CCDC18: variants seen among roughly 807,000 people sequenced by gnomAD.
The protein encoded by CCDC18 is coiled-coil domain-containing protein 18.
Under a neutral mutation model 196.0 loss-of-function variants are expected in CCDC18, and 157 were observed. The ratio of observed to expected loss-of-function variants is 0.80; its 90% CI spans 0.70 to 0.91. The LOEUF is 0.91. Ranked by LOEUF, CCDC18 falls within the 40% of genes least tolerant of loss-of-function variation. The pLI, the probability that CCDC18 is intolerant of heterozygous loss-of-function variation, is 0.00. For synonymous variants in CCDC18, 482 were observed against 529.2 expected, an observed-to-expected ratio of 0.91 and a Z score of 1.22; for missense variants, 1,465 against 1,611.6, an observed-to-expected ratio of 0.91 and a Z score of 1.56.
intron 5 of CCDC18, among the ~76,000 whole-genome samples, chr1:93,193,350 T>C (rs1475062462): frequency 1.3e-5 from 2 of 152,178 alleles, no homozygotes; most frequent in African/African-American, 2.4e-5. Flanking sequence ...TTCTGAACTA[T>C]ACAGGAATGC....
At chr1:93,228,028 A>G (rs538505058) in intron 17 of CCDC18, among the ~76,000 whole-genome samples, 4 of 149,956 alleles carry the variant, frequency 2.7e-5, no homozygotes, top group South Asian at 4.2e-4. Context: ...CGATTTGACT[A>G]TATCAGAAAG....
At position 93,201,958 on chromosome 1, in the gene CCDC18, T is replaced by TAA; in HGVS notation, c.773_774dup (p.Val259LysfsTer16). ...AGCTGAGTAAAGCTTTCCAACAATA[T>TAA]AAAAAAAAAGTGGCTGAAAAACTGG... On this transcript the variant is annotated frameshift_variant, in exon 7 of 29. Transcript: ENST00000690025. LOFTEE classifies it high-confidence loss of function. The TAA allele has an allele frequency of 2.5e-6, 4 of 1,575,288 alleles. No homozygotes were observed. Among genetic ancestry groups the TAA allele is most frequent in the South Asian group, 1.1e-5 (1 of 87,460 alleles).
At chr1:93,259,046 G>C (rs1170932183) in intron 26 of CCDC18, among the ~76,000 whole-genome samples, 161 bp downstream of exon 26, 1 of 152,058 alleles carries the variant, frequency 6.6e-6, no homozygotes, top group Non-Finnish European at 1.5e-5. Flanking sequence ...AATATACTGT[G>C]GGGTTAAGAG....
chr1:93,254,716 C>A, intron 24 of CCDC18, 102 bp downstream of exon 24: 1 of 1,099,336 alleles, frequency 9.1e-7, no homozygotes, highest in Non-Finnish European at 1.3e-6. Flanking sequence ...AGAAACTGTG[C>A]CATAACTGTT....
Position 93,226,415 on chromosome 1 carries a change from AG to A in CCDC18, c.2259del (p.Lys753AsnfsTer6). The A allele has an allele frequency of 6.3e-7, 1 of 1,577,888 alleles. No individual in the cohort carries two copies. Among genetic ancestry groups the A allele is most frequent in the South Asian group, 1.1e-5 (1 of 89,564 alleles). Reference sequence around the variant, plus strand: ...AATCAATTGGAAGGAAATAAGGAAAAGTTTGAAAAACAGTTAAAGAAGAAAT... The same window carrying A: ...AATCAATTGGAAGGAAATAAGGAAAATTTGAAAAACAGTTAAAGAAGAAAT... ...HLNQLEGNKEKFEKQLKKKSE... is the reference protein window; with the variant it reads ...HLNQLEGNKEXFEKQLKKKSE... On this transcript the variant is annotated frameshift_variant, in exon 17 of 29. Coordinates refer to ENST00000690025, the MANE Select transcript of CCDC18 (RefSeq NM_001378204.1). LOFTEE classifies it high-confidence loss of function.
At chr1:93,217,547 CCT>C (rs1437031918) in intron 13 of CCDC18, among the ~76,000 whole-genome samples, 189 bp from the exon 14 acceptor site, 3 of 152,268 alleles carry the variant, frequency 2.0e-5, no homozygotes, top group South Asian at 2.1e-4. Flanking sequence ...CAGGCTTCCC[CCT>C]GAGCGTCCCC....
At chr1:93,226,298 G>GTTTTTTTTTTTTTTTTTTTTT in intron 16 of CCDC18, 35 bp from the exon 17 acceptor site, 1 of 589,718 alleles carries the variant, frequency 1.7e-6, no homozygotes, top group Non-Finnish European at 2.8e-6. Context: ...ATCGTTTTGT[G>GTTTTTTTTTTTTTTTTTTTTT]TTTTTTTTTT....
chr1:93,210,279 G>T (rs979107025), intron 9 of CCDC18, among the ~76,000 whole-genome samples: 8 of 152,112 alleles, frequency 5.3e-5, no homozygotes, highest in African/African-American at 1.9e-4. Flanking sequence ...ATACAGAAAG[G>T]TGCATATGCT....
At chr1:93,253,268 C>G (rs757837786) in intron 23 of CCDC18, among the ~76,000 whole-genome samples, 5 of 152,048 alleles carry the variant, frequency 3.3e-5, no homozygotes, top group Admixed American at 2.6e-4. Context: ...CTTGTTGGCC[C>G]AGACAGGGCC....
chr1:93,247,170 C>T (rs1661596173), intron 23 of CCDC18, among the ~76,000 whole-genome samples: 1 of 151,838 alleles, frequency 6.6e-6, no homozygotes, highest in Non-Finnish European at 1.5e-5. Flanking sequence ...AAGCAATCCT[C>T]CTGCCTCGGT....
At chr1:93,194,419 G>T (rs1031838172) in intron 6 of CCDC18, among the ~76,000 whole-genome samples, 1 of 149,510 alleles carries the variant, frequency 6.7e-6, no homozygotes, top group Non-Finnish European at 1.5e-5. Context: ...AAGCAATTTT[G>T]CAATTTTGCA....
chr1:93,206,580 T>C (rs1213383701), intron 8 of CCDC18, among the ~76,000 whole-genome samples: 1 of 152,176 alleles, frequency 6.6e-6, no homozygotes, highest in African/African-American at 2.4e-5. Flanking sequence ...AAGTTTTTCC[T>C]CACAGTATCT....
At chr1:93,269,284 G>C (rs982951779) in intron 27 of CCDC18, among the ~76,000 whole-genome samples, 1 of 106,914 alleles carries the variant, frequency 9.4e-6, no homozygotes, top group African/African-American at 3.6e-5. Context: ...TGTGGGGTGG[G>C]GGGAGGGGGG....
chr1:93,224,761 T>C (rs776966177), intron 16 of CCDC18, among the ~76,000 whole-genome samples: 9 of 152,260 alleles, frequency 5.9e-5, no homozygotes, highest in Non-Finnish European at 1.3e-4. Context: ...TCATATCTAA[T>C]GATGAATCTT....
In CCDC18 at chr1:93,274,327, G is replaced by A. The variant is rs373903191; in HGVS notation, c.4353+3513G>A. Among the ~76,000 whole-genome samples the A allele has an allele frequency of 9.5e-4, 145 of 152,106 alleles. 1 individual carries two copies. The highest frequency in any genetic ancestry group is 7.1e-3 in the South Asian group (34 of 4,812). On this transcript the variant is annotated intron_variant, in intron 28 of 28. Coordinates refer to ENST00000690025, the MANE Select transcript of CCDC18 (RefSeq NM_001378204.1). The stretch of plus-strand genomic sequence containing the variant: ...CTGAGGTGGAGAATTGCTTGAACCC[G>A]GGAGGCAGAGGTTGCAGTGAGCCGA...
intron 1 of CCDC18, 85 bp downstream of exon 1, chr1:93,180,937 C>A: frequency 7.9e-7 from 1 of 1,271,758 alleles, no homozygotes; most frequent in Non-Finnish European, 1.1e-6. Context: ...GAGTTCTGTT[C>A]CTTTCCCTCC....
chr1:93,214,075 C>T (rs1006402939), intron 11 of CCDC18, among the ~76,000 whole-genome samples: 1 of 152,128 alleles, frequency 6.6e-6, no homozygotes, highest in Non-Finnish European at 1.5e-5. Context: ...GGGGCATGGT[C>T]AAGTAACTAC....
In CCDC18 at chr1:93,256,615, GTTCT is replaced by G. The variant is rs1662994405; in HGVS notation, c.3546+81_3546+84del. ...CATTTTTTTTGAACTGTAGAATATA[GTTCT>G]TTCAAAAATGAACTGTATTGCACAA... On this transcript the variant is annotated intron_variant, in intron 25 of 28. Transcript: ENST00000690025. The G allele has an allele frequency of 4.2e-6, 5 of 1,198,752 alleles. No individual in the cohort carries two copies. The South Asian group carries it at 5.5e-5, about 13-fold the overall frequency. 74.3% of individuals were successfully genotyped at this position (1,198,752 alleles called of 1,614,324 possible). A position where few individuals can be genotyped will look rare whatever the true frequency, so the allele number is the denominator to read the frequency against.
chr1:93,207,106 G>T lies in CCDC18; in HGVS notation c.918-1G>T. 1 of 1,406,160 alleles carries T rather than the reference G, an allele frequency of 7.1e-7. No individual in the cohort carries two copies. The highest frequency in any genetic ancestry group is 1.4e-5 in the South Asian group (1 of 72,192). The allele number at this position is 1,406,160 out of a possible 1,614,324, so 87.1% of individuals were successfully genotyped here. A position where few individuals can be genotyped will look rare whatever the true frequency, so the allele number is the denominator to read the frequency against. The stretch of plus-strand genomic sequence containing the variant: ...TCATTTTTATTCTCTTTTCTTCATA[G>T]GCAGTTAAAAGAAGAAAATAACAAC... On this transcript the variant is annotated splice_acceptor_variant, in intron 8 of 28. Coordinates refer to ENST00000690025, the MANE Select transcript of CCDC18 (RefSeq NM_001378204.1). LOFTEE classifies it high-confidence loss of function.
Sources: gnomAD v4.1 joint callset for allele counts (sites outside exome capture counted in the v4.1 genomes callset) on GRCh38, gnomAD v4.1.1 for gene constraint, MANE v1.5 for transcripts, NCBI Gene and HGNC (gene_info 2026-07-23, HGNC 2026-07-21) for gene names.